The following LPA variants were observed in gnomAD, a reference collection of about 807,000 sequenced individuals.
LPA encodes the protein apolipoprotein(a).
A neutral mutation model predicts 197.9 loss-of-function variants in LPA; 199 were observed. That is an observed-to-expected ratio of 1.01 (90% CI 0.90 to 1.13). LPA has a LOEUF of 1.13. LPA is among the 50% of genes most tolerant of loss of function. LPA has a pLI of 0.00. For missense variants in LPA, 1,853 were observed against 1,785.8 expected (o/e 1.04, Z -0.68); for synonymous variants, 715 against 639.5 (o/e 1.12, Z -1.78).
chr6:160,579,082 A>C (rs1778741270), intron 26 of LPA, among the ~76,000 whole-genome samples: 1 of 152,108 alleles, frequency 6.6e-6, no homozygotes, highest in Admixed American at 6.6e-5. Context: ...ATACAAAGAT[A>C]TCTCTGTCTG....
At chr6:160,653,982 A>G (rs1482176563) in intron 1 of LPA, among the ~76,000 whole-genome samples, 2 of 11,612 alleles carry the variant, frequency 1.7e-4, no homozygotes, top group African/African-American at 5.9e-4. Context: ...ATAATATATA[A>G]TATATAATAT....
chr6:160,600,705 C>T (rs559047499), intron 19 of LPA, among the ~76,000 whole-genome samples: 1 of 152,214 alleles, frequency 6.6e-6, no homozygotes, highest in South Asian at 2.1e-4. Flanking sequence ...AGAATGGTTT[C>T]CGCCCATCCT....
chr6:160,562,978 C>T (rs898934366), intron 28 of LPA, among the ~76,000 whole-genome samples: 7 of 152,012 alleles, frequency 4.6e-5, no homozygotes, highest in Admixed American at 1.3e-4. Context: ...ATTAGTCTGG[C>T]TAGGCTTCTA....
intron 16 of LPA, 133 bp downstream of exon 16, chr6:160,611,429 A>G (rs1224464226): frequency 2.7e-6 from 4 of 1,503,320 alleles, no homozygotes; most frequent in African/African-American, 1.4e-5. Flanking sequence ...CAAGGAAATC[A>G]TCCTGAGACA....
At chr6:160,631,989 TCA>T (rs1491257328) in intron 8 of LPA, among the ~76,000 whole-genome samples, 1 of 148,108 alleles carries the variant, frequency 6.8e-6, no homozygotes. Context: ...GGGTGTGTTT[TCA>T]GTGTGTGTGT....
intron 2 of LPA, among the ~76,000 whole-genome samples, chr6:160,648,584 A>G (rs969971408): frequency 6.6e-6 from 1 of 151,394 alleles, no homozygotes; most frequent in Non-Finnish European, 1.5e-5. Context: ...AAGCTTATAC[A>G]TGTTTGAGTG....
At chr6:160,574,156 T>G (rs1778612788) in intron 28 of LPA, among the ~76,000 whole-genome samples, 2 of 151,980 alleles carry the variant, frequency 1.3e-5, no homozygotes, top group African/African-American at 4.8e-5. Flanking sequence ...TGCTGAGTCA[T>G]CTGAGTTGTC....
At chr6:160,608,651 C>A (rs1779412469) in intron 16 of LPA, among the ~76,000 whole-genome samples, 1 of 152,048 alleles carries the variant, frequency 6.6e-6, no homozygotes, top group African/African-American at 2.4e-5. Flanking sequence ...TGTTAATATT[C>A]TTGATCAATG....
chr6:160,531,859 T>G lies in LPA; in HGVS notation c.5993A>C (p.Glu1998Ala), dbSNP rs1583560422. The G allele has an allele frequency of 1.9e-6, 3 of 1,614,108 alleles. No homozygotes were observed. Among genetic ancestry groups the G allele is most frequent in the Non-Finnish European group, 2.5e-6 (3 of 1,180,004 alleles). Residue 1998 changes from glutamate to alanine, a missense_variant, in exon 39 of 39, where the codon GAG becomes GCG. Transcript: ENST00000316300. ...GDSGGPLVCFEKDKYILQGVT... is the reference protein window; with the variant it reads ...GDSGGPLVCFAKDKYILQGVT... ...TCCTTGTAAAATGTATTTGTCCTTC[T>G]CGAAGCAAACCAGAGGCCCTCCACT...
chr6:160,596,983 A>G (rs535838967), intron 20 of LPA, among the ~76,000 whole-genome samples: 8 of 149,998 alleles, frequency 5.3e-5, no homozygotes, highest in Non-Finnish European at 1.0e-4. Context: ...AATATTTGAG[A>G]AGCTGGCAAA....
chr6:160,539,337 G>A (rs1042122119), intron 36 of LPA, among the ~76,000 whole-genome samples: 33 of 152,134 alleles, frequency 2.2e-4, no homozygotes, highest in African/African-American at 8.0e-4. Flanking sequence ...TGTAAGCAAA[G>A]GTATCACTTT....
Position 160,595,523 on chromosome 6 carries a change from C to T in LPA, c.3300G>A (p.Arg1100=), listed in dbSNP as rs746653162. 1 of 1,613,966 alleles carries T rather than the reference C, an allele frequency of 6.2e-7. No homozygotes were observed. The highest frequency in any genetic ancestry group is 1.1e-5 in the South Asian group (1 of 91,082). ...CAGCATCTGGATTCCTGCAGTAGTT[C>T]CTGGTCAGGCCACTGCAAATTTCAA... The part of the protein sequence containing the change: ...PENYPNAGLT[R]NYCRNPDAEI... Residue 1100 remains arginine, a synonymous_variant, in exon 21 of 39, where the codon AGG becomes AGA. Coordinates refer to ENST00000316300, the MANE Select transcript of LPA (RefSeq NM_005577.4).
chr6:160,543,961 C>G (rs529567110), intron 33 of LPA, among the ~76,000 whole-genome samples: 22 of 152,312 alleles, frequency 1.4e-4, no homozygotes, highest in Admixed American at 7.8e-4. Context: ...TGGGGTTAAC[C>G]TCACTTGTCT....
chr6:160,559,969 G>A (rs1274917557), intron 28 of LPA, among the ~76,000 whole-genome samples: 4 of 152,172 alleles, frequency 2.6e-5, no homozygotes, highest in Non-Finnish European at 5.9e-5. Context: ...GCCCCTGTGT[G>A]TGATGTTCCC....
At chr6:160,551,334 C>T (rs1486961171) in intron 30 of LPA, among the ~76,000 whole-genome samples, 1 of 152,126 alleles carries the variant, frequency 6.6e-6, no homozygotes, top group Admixed American at 6.5e-5. Flanking sequence ...GCTATGTGTA[C>T]ATCTATCTAT....
At chr6:160,594,446 T>A (rs1037754163) in intron 21 of LPA, among the ~76,000 whole-genome samples, 2 of 152,192 alleles carry the variant, frequency 1.3e-5, no homozygotes, top group Non-Finnish European at 2.9e-5. Flanking sequence ...ACTAGACTGC[T>A]ATGCATCAGG....
At chr6:160,659,225 C>T (rs1261831821) in intron 1 of LPA, among the ~76,000 whole-genome samples, 15 of 152,188 alleles carry the variant, frequency 9.9e-5, no homozygotes. Context: ...GCAGCAGGGG[C>T]AGGGGCCTCA....
intron 2 of LPA, among the ~76,000 whole-genome samples, chr6:160,648,760 C>T (rs576226987): frequency 6.6e-6 from 1 of 152,068 alleles, no homozygotes; most frequent in Non-Finnish European, 1.5e-5. Context: ...CGATTTGGCT[C>T]TTTATACTCT....
In LPA at chr6:160,587,289, CT is replaced by C. The variant is rs1281051692; in HGVS notation, c.3948-660del. Reference sequence around the variant, plus strand: ...CATATAGACTTTTCAAAGAACCTAACTTTCTGTTTCATGGATTTACTCCTTT... The same window carrying C: ...CATATAGACTTTTCAAAGAACCTAACTTCTGTTTCATGGATTTACTCCTTT... On this transcript the variant is annotated intron_variant, in intron 24 of 38. Transcript: ENST00000316300. 6.6e-5 allele frequency among the ~76,000 whole-genome samples: 10 copies of C among 152,176 alleles called. 1 individual carries two copies. Among genetic ancestry groups the C allele is most frequent in the Admixed American group, 6.6e-4 (10 of 15,264 alleles).
Sources: gnomAD v4.1 joint callset for allele counts (sites outside exome capture counted in the v4.1 genomes callset) on GRCh38, gnomAD v4.1.1 for gene constraint, MANE v1.5 for transcripts, NCBI Gene and HGNC (gene_info 2026-07-23, HGNC 2026-07-21) for gene names.